Variants in TGM5 observed in about 807,000 individuals in gnomAD.
TGM5 encodes the protein transglutaminase 5, also known as protein-glutamine gamma-glutamyltransferase 5.
Under a neutral mutation model 77.2 loss-of-function variants are expected in TGM5, and 69 were observed. The ratio of observed to expected loss-of-function variants is 0.89; its 90% CI spans 0.74 to 1.09. The LOEUF is 1.09. Among genes scored for constraint, TGM5 ranks in the 50% least tolerant of loss-of-function variants. TGM5 has a pLI of 0.00. For synonymous variants in TGM5, 346 were observed against 351.8 expected (o/e 0.98, Z 0.18); for missense variants, 842 against 896.5 (o/e 0.94, Z 0.78).
chr15:43,247,311 G>T (rs1183663825), intron 6 of TGM5, among the ~76,000 whole-genome samples: 1 of 151,920 alleles, frequency 6.6e-6, no homozygotes, highest in Non-Finnish European at 1.5e-5. Flanking sequence ...AGCATGCAAA[G>T]AAACAGAAAA....
rs2042565457 is a variant in TGM5, at chr15:43,233,707, AAGG to A, written c.1876-23_1876-21del. The A allele has an allele frequency of 2.5e-6, 4 of 1,613,494 alleles. No homozygotes were observed. The highest frequency in any genetic ancestry group is 1.7e-5 in the Admixed American group (1 of 59,958). ...TAGAACCTAAACAGACCAGGAGGGG[AAGG>A]AGAATTAGTTCTCATTCCCCAACTC... On this transcript the variant is annotated intron_variant, in intron 11 of 12. Transcript: ENST00000220420.
chr15:43,244,114 A>G (rs1004604998), intron 6 of TGM5, among the ~76,000 whole-genome samples: 1 of 152,204 alleles, frequency 6.6e-6, no homozygotes, highest in African/African-American at 2.4e-5. Flanking sequence ...GTTTTCACCA[A>G]TGACTCCACA....
At position 43,232,909 on chromosome 15, in the gene TGM5, G is replaced by A. The variant is rs1596435914; in HGVS notation, c.*282C>T. 2.3e-6 allele frequency: 1 copy of A among 430,278 alleles called. No homozygotes were observed. The highest frequency in any genetic ancestry group is 5.0e-5 in the East Asian group (1 of 20,128). 26.7% of individuals were successfully genotyped at this position (430,278 alleles called of 1,614,324 possible). A position where few individuals can be genotyped will look rare whatever the true frequency, so the allele number is the denominator to read the frequency against. On this transcript the variant is annotated 3_prime_UTR_variant, in exon 13 of 13. Transcript: ENST00000220420. ...TCCTACCTGTTCTCTGGATGCTGGA[G>A]TCTCCTATTCATTCATTCAAAAAAT...
intron 6 of TGM5, among the ~76,000 whole-genome samples, chr15:43,241,794 C>T (rs1264465848): frequency 7.9e-5 from 12 of 151,648 alleles, no homozygotes; most frequent in Admixed American, 5.9e-4. Flanking sequence ...ACACCACACC[C>T]GGCTAATTTT....
At chr15:43,234,618 A>G (rs1047067894) in intron 11 of TGM5, 151 bp downstream of exon 11, 1 of 970,402 alleles carries the variant, frequency 1.0e-6, no homozygotes, top group Non-Finnish European at 1.6e-6. Flanking sequence ...AAGATCTCTC[A>G]GACAAACTTC....
chr15:43,241,088 G>T (rs1217231754), intron 6 of TGM5, 98 bp from the exon 7 acceptor site: 1 of 1,497,316 alleles, frequency 6.7e-7, no homozygotes. Flanking sequence ...TCTTCCATTT[G>T]CCATCTGCAG....
intron 3 of TGM5, 43 bp downstream of exon 3, chr15:43,260,009 G>A (rs1417666444): frequency 1.2e-6 from 2 of 1,611,586 alleles, no homozygotes; most frequent in African/African-American, 2.7e-5. Context: ...TGGCAGCACT[G>A]ACAGAAGAGA....
At chr15:43,242,898 A>G (rs525403) in intron 6 of TGM5, among the ~76,000 whole-genome samples, 88,843 of 152,132 alleles carry the variant, frequency 0.58, 29,164 homozygotes, top group Non-Finnish European at 0.71. Flanking sequence ...CATTTATGCT[A>G]AAAGTACAGT....
intron 9 of TGM5, among the ~76,000 whole-genome samples, chr15:43,237,545 C>T (rs973592318): frequency 1.3e-5 from 2 of 151,846 alleles, no homozygotes; most frequent in Admixed American, 6.6e-5. Context: ...TAATTTGGGA[C>T]AGCCTTTTTT....
At chr15:43,239,482 G>T (rs2042618322) in intron 7 of TGM5, 1 of 565,192 alleles carries the variant, frequency 1.8e-6, no homozygotes, top group Non-Finnish European at 3.2e-6. Context: ...AGGAGTTCAA[G>T]ATTAACCTGG....
At chr15:43,234,034 C>T (rs1349914587) in intron 11 of TGM5, among the ~76,000 whole-genome samples, 1 of 152,184 alleles carries the variant, frequency 6.6e-6, no homozygotes, top group Admixed American at 6.5e-5. Flanking sequence ...TTTTATCTAC[C>T]ATGAGTTTCC....
intron 6 of TGM5, among the ~76,000 whole-genome samples, chr15:43,244,246 TC>T (rs1271186771): frequency 1.3e-5 from 2 of 152,188 alleles, no homozygotes; most frequent in Non-Finnish European, 2.9e-5. Context: ...AAATTACAAA[TC>T]CCCCTAGAGT....
intron 1 of TGM5, among the ~76,000 whole-genome samples, chr15:43,262,089 C>A (rs1322627640): frequency 6.6e-6 from 1 of 152,168 alleles, no homozygotes; most frequent in Non-Finnish European, 1.5e-5. Flanking sequence ...GCTGTTATAG[C>A]CCCAACTCAA....
rs2042611355 is a variant in TGM5 at position 43,238,921 on chromosome 15, T to G, written c.1241A>C (p.Gln414Pro). ...AGAACTCGTGTCCTGGTGAAGCTTC[T>G]GCTCCTTCCCTCCCTGGACGAGCCA... is the stretch of plus-strand genomic sequence containing the variant. ...MSWLVQGGKE[Q>P]KLHQDTSSVG... The change falls in exon 9 of 13, where the codon CAG becomes CCG. Residue 414 changes from glutamine (Q) to proline (P), a missense_variant. By Grantham distance (76) the Gln-to-Pro change is moderately conservative. Around this residue, in one of 2 missense-constraint regions of TGM5, gnomAD observed 815 missense variants for 844.6 expected, o/e 0.96. Coordinates refer to ENST00000220420, the MANE Select transcript of TGM5 (RefSeq NM_201631.4). The G allele has an allele frequency of 3.7e-6, 6 of 1,614,214 alleles. No individual in the cohort carries two copies. Among genetic ancestry groups the G allele is most frequent in the Non-Finnish European group, 5.1e-6 (6 of 1,180,044 alleles).
intron 6 of TGM5, among the ~76,000 whole-genome samples, chr15:43,248,709 A>G (rs986273606): frequency 2.0e-5 from 3 of 152,218 alleles, no homozygotes; most frequent in Admixed American, 2.0e-4. Context: ...GGCACTGCAC[A>G]AAAGAGTTTG....
At chr15:43,242,250 A>T (rs1178553798) in intron 6 of TGM5, among the ~76,000 whole-genome samples, 1 of 152,274 alleles carries the variant, frequency 6.6e-6, no homozygotes. Flanking sequence ...CTTGCAATCA[A>T]TACTGAGTCC....
chr15:43,243,959 G>A (rs1456942194), intron 6 of TGM5, among the ~76,000 whole-genome samples: 3 of 152,156 alleles, frequency 2.0e-5, no homozygotes, highest in Non-Finnish European at 4.4e-5. Context: ...AGGTCACAGG[G>A]CAGGAAGAGA....
chr15:43,258,106 C>A (rs1411991613), intron 3 of TGM5, among the ~76,000 whole-genome samples: 3 of 152,084 alleles, frequency 2.0e-5, no homozygotes, highest in African/African-American at 7.2e-5. Context: ...GGAGGGATAG[C>A]ATTAGGAGAT....
Position 43,233,205 on chromosome 15 carries a change from C to G in TGM5, c.2149G>C (p.Asp717His), listed in dbSNP as rs767565622. The stretch of plus-strand genomic sequence containing the variant: ...TGTTCCAGAATTTATAATGCAAAGT[C>G]TACATAAACATTCCTGTAACCCTTA... ...DIKGYRNVYV[D>H]FAL The change falls in exon 13 of 13, where the codon GAC becomes CAC. Residue 717 changes from aspartate to histidine, a missense_variant. Asp to His is a moderately conservative substitution (Grantham distance 81). Transcript: ENST00000220420. The G allele has an allele frequency of 7.4e-6, 12 of 1,614,158 alleles. No individual in the cohort carries two copies. The East Asian group carries it at 2.7e-4, about 36-fold the overall frequency.
Sources: gnomAD v4.1 joint callset for allele counts (sites outside exome capture counted in the v4.1 genomes callset) on GRCh38, gnomAD v4.1.1 for gene constraint, gnomAD v4.1.1 regional missense constraint, MANE v1.5 for transcripts, NCBI Gene and HGNC (gene_info 2026-07-23, HGNC 2026-07-21) for gene names.